The following IL1RAPL1 variants were observed in gnomAD, a reference collection of about 807,000 sequenced individuals.
IL1RAPL1 encodes the protein interleukin 1 receptor accessory protein like 1, also known as interleukin-1 receptor accessory protein-like 1.
Under a neutral mutation model 48.4 loss-of-function variants are expected in IL1RAPL1, and 3 were observed. The observed-to-expected ratio is 0.06, with a 90% CI of 0.03 to 0.16. The LOEUF (loss-of-function observed/expected upper bound fraction) is 0.16, where lower values mean the gene tolerates loss of function less well. Among genes scored for constraint, IL1RAPL1 ranks in the 10% least tolerant of loss-of-function variants. IL1RAPL1 has a pLI of 1.00. For synonymous variants in IL1RAPL1, 185 were observed against 187.7 expected, an observed-to-expected ratio of 0.99 and a Z score of 0.12; for missense variants, 349 against 530.6, an observed-to-expected ratio of 0.66 and a Z score of 3.36.
intron 3 of IL1RAPL1, among the ~76,000 whole-genome samples, chrX:29,339,858 C>T (rs1933048805): frequency 9.0e-6 from 1 of 111,596 alleles, no homozygotes; most frequent in African/African-American, 3.3e-5. Context: ...TTTTGAGGAC[C>T]CTGACAGTTT....
chrX:29,630,382 T>G (rs1924736149), intron 5 of IL1RAPL1, among the ~76,000 whole-genome samples: 1 of 111,718 alleles, frequency 9.0e-6, no homozygotes, highest in Admixed American at 9.5e-5. Flanking sequence ...TTCAGGTTTA[T>G]TGGGAGAAAG....
intron 2 of IL1RAPL1, among the ~76,000 whole-genome samples, chrX:28,986,313 A>T (rs1463313137): frequency 8.9e-6 from 1 of 112,470 alleles, no homozygotes; most frequent in African/African-American, 3.2e-5. Context: ...TTAAGAATTT[A>T]TTTAAAAATT....
At chrX:29,525,781 G>A (rs745831628) in intron 5 of IL1RAPL1, among the ~76,000 whole-genome samples, 2 of 111,782 alleles carry the variant, frequency 1.8e-5, no homozygotes, top group South Asian at 3.7e-4. Flanking sequence ...ATGGAGGAAA[G>A]GGTTGAAATA....
At chrX:28,828,596 C>T (rs1417618277) in intron 2 of IL1RAPL1, among the ~76,000 whole-genome samples, 1 of 111,910 alleles carries the variant, frequency 8.9e-6, no homozygotes, top group African/African-American at 3.2e-5. Context: ...GTGTTGGGAA[C>T]ATTCCAAATC....
intron 6 of IL1RAPL1, among the ~76,000 whole-genome samples, chrX:29,773,702 A>G (rs897557082): frequency 3.5e-4 from 39 of 111,535 alleles, no homozygotes; most frequent in African/African-American, 1.2e-3. Context: ...GGCACAGGCT[A>G]ATGGTGACGT....
intron 3 of IL1RAPL1, among the ~76,000 whole-genome samples, chrX:29,371,187 AG>A (rs1293559791): frequency 1.1e-5 from 1 of 87,670 alleles, no homozygotes; most frequent in African/African-American, 4.6e-5. Flanking sequence ...GCTGGAGTGC[AG>A]TGGCACGATC....
chrX:29,312,116 T>C (rs2147619569), intron 3 of IL1RAPL1, among the ~76,000 whole-genome samples: 1 of 110,876 alleles, frequency 9.0e-6, no homozygotes, highest in African/African-American at 3.3e-5. Flanking sequence ...AGAGGGAGAA[T>C]GGAGGACAAG....
intron 6 of IL1RAPL1, among the ~76,000 whole-genome samples, chrX:29,725,487 C>T (rs1391017157): frequency 2.7e-5 from 3 of 111,466 alleles, no homozygotes; most frequent in Non-Finnish European, 5.6e-5. Context: ...AACACACGAT[C>T]GGCCTCCTAA....
chrX:28,734,549 AT>A (rs71889875), intron 1 of IL1RAPL1, among the ~76,000 whole-genome samples: 2,637 of 98,121 alleles, frequency 0.027, 50 homozygotes, highest in African/African-American at 0.06. Flanking sequence ...CCAAAGTGTC[AT>A]TTTTTTTTTT....
chrX:29,301,984 G>A (rs986946040), intron 3 of IL1RAPL1, among the ~76,000 whole-genome samples: 3 of 111,505 alleles, frequency 2.7e-5, no homozygotes, highest in Admixed American at 9.6e-5. Context: ...ACAGATACAC[G>A]TGGCTGGAGT....
rs150459720 is a variant in IL1RAPL1 at position 29,134,693 on chromosome X, T to A, written c.83-148245T>A. 2.1e-3 allele frequency among the ~76,000 whole-genome samples: 240 copies of A among 111,664 alleles called. 1 individual carries two copies. The highest frequency in any genetic ancestry group is 7.4e-3 in the African/African-American group (229 of 30,802). ...CAGGACTCAAAAAGTGGTATTAATA[T>A]GTCAGTGAGTCCTATTCTGATTCCA... On this transcript the variant is annotated intron_variant, in intron 2 of 10. Transcript: ENST00000378993.
At chrX:29,422,043 A>C (rs1934297132) in intron 5 of IL1RAPL1, among the ~76,000 whole-genome samples, 1 of 111,817 alleles carries the variant, frequency 8.9e-6, no homozygotes, top group Admixed American at 9.5e-5. Flanking sequence ...AGTGGAGTTC[A>C]GAAGCTTATA....
intron 2 of IL1RAPL1, among the ~76,000 whole-genome samples, chrX:28,936,787 A>C (rs1924027278): frequency 9.0e-6 from 1 of 110,539 alleles, no homozygotes; most frequent in African/African-American, 3.3e-5. Context: ...TTTTCCTTTC[A>C]ACTCTAAAAT....
chrX:29,598,672 G>A (rs1370366127), intron 5 of IL1RAPL1, among the ~76,000 whole-genome samples: 1 of 111,233 alleles, frequency 9.0e-6, no homozygotes, highest in African/African-American at 3.3e-5. Context: ...TCATTTCTTA[G>A]GTCTACTAGT....
intron 2 of IL1RAPL1, among the ~76,000 whole-genome samples, chrX:29,086,481 CT>C (rs1927955206): frequency 8.9e-6 from 1 of 112,087 alleles, no homozygotes; most frequent in Admixed American, 9.5e-5. Context: ...AAAGACTTGA[CT>C]TTATATACCA....
intron 3 of IL1RAPL1, among the ~76,000 whole-genome samples, chrX:29,290,809 T>G (rs1435073614): frequency 9.0e-6 from 1 of 111,410 alleles, no homozygotes; most frequent in Non-Finnish European, 1.9e-5. Flanking sequence ...GCCAGACTTT[T>G]TATGTGGCAA....
Position 29,335,310 on chromosome X carries a change from GA to G in IL1RAPL1, c.362+52094del, listed in dbSNP as rs1312869419. 2.9e-3 allele frequency among the ~76,000 whole-genome samples: 22 copies of G among 7,588 alleles called. 6 individuals are homozygous for G. The highest frequency in any genetic ancestry group is 4.7e-3 in the Non-Finnish European group (11 of 2,352). 6.6% of individuals were successfully genotyped at this position (7,588 alleles called of 115,157 possible). ...AGGGGAGAGGGGAGAGGGGAGAGGG[GA>G]GAGGGGAGAGGGGAGAGGGGAGAGG... On this transcript the variant is annotated intron_variant, in intron 3 of 10. Coordinates refer to ENST00000378993, the MANE Select transcript of IL1RAPL1 (RefSeq NM_014271.4).
At chrX:29,726,148 T>G (rs1448952032) in intron 6 of IL1RAPL1, among the ~76,000 whole-genome samples, 1 of 112,352 alleles carries the variant, frequency 8.9e-6, no homozygotes, top group Non-Finnish European at 1.9e-5. Context: ...AATAAAAAAT[T>G]TAGAAACAAA....
chrX:29,582,396 A>AT (rs757912162), intron 5 of IL1RAPL1, among the ~76,000 whole-genome samples: 2,156 of 95,887 alleles, frequency 0.022, 36 homozygotes, highest in Non-Finnish European at 0.034. Context: ...TTTATTTTTT[A>AT]TTTTTTTTTA....
Sources: gnomAD v4.1 joint callset for allele counts (sites outside exome capture counted in the v4.1 genomes callset) on GRCh38, gnomAD v4.1.1 for gene constraint, MANE v1.5 for transcripts, NCBI Gene and HGNC (gene_info 2026-07-23, HGNC 2026-07-21) for gene names.